Variants in SDK1 observed in about 807,000 individuals in gnomAD.
The protein encoded by SDK1 is sidekick cell adhesion molecule 1, also known as protein sidekick-1.
SDK1 carries 157 observed loss-of-function variants against 245.5 expected under a neutral mutation model. That is an observed-to-expected ratio of 0.64 (90% confidence interval 0.56 to 0.73). The LOEUF is 0.73. Among genes scored for constraint, SDK1 ranks in the 30% least tolerant of loss-of-function variants. The pLI is 0.00. For missense variants in SDK1, 3,583 were observed against 3,002.3 expected (o/e 1.19, Z -4.52); for synonymous variants, 1,647 against 1,278.5 (o/e 1.29, Z -6.15).
intron 4 of SDK1, among the ~76,000 whole-genome samples, chr7:3,810,135 G>A (rs1208538448): frequency 5.3e-5 from 8 of 152,128 alleles, no homozygotes; most frequent in Non-Finnish European, 7.3e-5. Flanking sequence ...AGAGTATCCT[G>A]GGGAGAGGAG....
At chr7:4,232,453 G>A (rs1464073022) in intron 40 of SDK1, among the ~76,000 whole-genome samples, 10 of 61,252 alleles carry the variant, frequency 1.6e-4, no homozygotes, top group African/African-American at 5.5e-4. Flanking sequence ...CATAAAAATT[G>A]CAAAGTTCTT....
intron 5 of SDK1, among the ~76,000 whole-genome samples, chr7:3,864,306 T>C (rs1000736874): frequency 6.6e-6 from 1 of 152,176 alleles, no homozygotes; most frequent in Non-Finnish European, 1.5e-5. Flanking sequence ...TCTTTGTTTT[T>C]ATAGTCAATC....
Position 3,717,181 on chromosome 7 carries a change from C to T in SDK1, c.713+75076C>T, listed in dbSNP as rs543960084. 6.6e-5 allele frequency among the ~76,000 whole-genome samples: 10 copies of T among 151,984 alleles called. No homozygotes were observed. In the South Asian group the frequency reaches 1.5e-3, roughly 22 times the overall value. ...ATAACAATTAGAGGAACTAATTGAC[C>T]GAAATAGACCATATCCTGGTTCATA... On this transcript the variant is annotated intron_variant, in intron 4 of 44. Transcript: ENST00000404826.
At chr7:3,879,050 A>G (rs1781142466) in intron 5 of SDK1, among the ~76,000 whole-genome samples, 3 of 152,170 alleles carry the variant, frequency 2.0e-5, no homozygotes, top group East Asian at 1.9e-4. Flanking sequence ...ACAGTCAGTA[A>G]TTTCTTGGGA....
intron 1 of SDK1, among the ~76,000 whole-genome samples, chr7:3,532,856 C>G (rs903897548): frequency 6.6e-6 from 1 of 151,928 alleles, no homozygotes; most frequent in African/African-American, 2.4e-5. Flanking sequence ...CTTTCAGGCT[C>G]TTTTCGTCTT....
intron 39 of SDK1, 27 bp from the exon 40 acceptor site, chr7:4,221,212 A>G (rs1785136326): frequency 6.2e-7 from 1 of 1,610,904 alleles, no homozygotes; most frequent in Non-Finnish European, 8.5e-7. Context: ...CTGATGCCTC[A>G]CCTCTCTTTT....
At chr7:4,077,546 A>C (rs1256959778) in intron 21 of SDK1, among the ~76,000 whole-genome samples, 1 of 152,204 alleles carries the variant, frequency 6.6e-6, no homozygotes, top group African/African-American at 2.4e-5. Flanking sequence ...GCTGCTGATA[A>C]AGACATACCC....
At chr7:3,545,869 T>A (rs1311909401) in intron 1 of SDK1, among the ~76,000 whole-genome samples, 9 of 152,336 alleles carry the variant, frequency 5.9e-5, no homozygotes, top group African/African-American at 2.2e-4. Flanking sequence ...AAAATATAAT[T>A]TCTGTTCTGT....
At chr7:4,175,253 C>T (rs998432320) in intron 33 of SDK1, among the ~76,000 whole-genome samples, 6 of 152,230 alleles carry the variant, frequency 3.9e-5, no homozygotes, top group Non-Finnish European at 8.8e-5. Flanking sequence ...TGGCACACCC[C>T]AAAGGTGGCC....
At chr7:3,517,159 C>G (rs1370544997) in intron 1 of SDK1, among the ~76,000 whole-genome samples, 1 of 152,012 alleles carries the variant, frequency 6.6e-6, no homozygotes, top group Non-Finnish European at 1.5e-5. Context: ...CCTAAGCTTT[C>G]TGAAAAAAGT....
At chr7:4,142,478 G>C (rs913932012) in intron 28 of SDK1, among the ~76,000 whole-genome samples, 2 of 152,024 alleles carry the variant, frequency 1.3e-5, no homozygotes, top group African/African-American at 4.8e-5. Context: ...ACAAGCGCCC[G>C]CCATCACGCC....
chr7:3,599,229 T>C (rs1305843117), intron 1 of SDK1, among the ~76,000 whole-genome samples: 1 of 152,076 alleles, frequency 6.6e-6, no homozygotes, highest in Non-Finnish European at 1.5e-5. Flanking sequence ...TTAATGATAT[T>C]GAACATCTTT....
chr7:4,176,497 A>G (rs951371773), intron 34 of SDK1, among the ~76,000 whole-genome samples: 1 of 152,180 alleles, frequency 6.6e-6, no homozygotes, highest in Non-Finnish European at 1.5e-5. Context: ...TAAAATACAT[A>G]TAACAGAAAA....
chr7:3,557,518 A>C (rs535831218), intron 1 of SDK1, among the ~76,000 whole-genome samples: 1 of 152,318 alleles, frequency 6.6e-6, no homozygotes, highest in Admixed American at 6.5e-5. Context: ...GGTGATGGAC[A>C]CAGGAACCCA....
chr7:3,561,497 G>A (rs1490278545), intron 1 of SDK1, among the ~76,000 whole-genome samples: 1 of 152,178 alleles, frequency 6.6e-6, no homozygotes, highest in Admixed American at 6.5e-5. Context: ...TTTCTCATGA[G>A]CACTGTTTTC....
At chr7:3,373,302 A>G (rs1439044333) in intron 1 of SDK1, among the ~76,000 whole-genome samples, 1 of 152,220 alleles carries the variant, frequency 6.6e-6, no homozygotes, top group Non-Finnish European at 1.5e-5. Flanking sequence ...ATTGAACACT[A>G]AGCGAAAGTG....
chr7:3,349,775 TG>T lies in SDK1; in HGVS notation c.298+47892del, dbSNP rs548070408. Reference sequence around the variant, plus strand: ...CCACCACGCCTGGTTAATTTTTTTTTGTATTTTTAGTAGAGACGGGGTTTCA... The same window carrying T: ...CCACCACGCCTGGTTAATTTTTTTTTTATTTTTAGTAGAGACGGGGTTTCA... On this transcript the variant is annotated intron_variant, in intron 1 of 44. Transcript: ENST00000404826. Among the ~76,000 whole-genome samples, 84 of 149,498 alleles carry T rather than the reference TG, an allele frequency of 5.6e-4. 3 individuals are homozygous for T. The South Asian group carries it at 0.018, about 31-fold the overall frequency.
Position 4,012,077 on chromosome 7 carries a change from C to T in SDK1, c.2280-18C>T, listed in dbSNP as rs1583824480. On this transcript the variant is annotated intron_variant, in intron 15 of 44. Transcript: ENST00000404826. ...CTGGTACTCATCTCTCTTGTTCCTACCCGTCTTTTATTTATAGGTTGATGC... is the reference window on the plus strand; with the variant it reads ...CTGGTACTCATCTCTCTTGTTCCTATCCGTCTTTTATTTATAGGTTGATGC... 1 of 1,490,254 alleles carries T rather than the reference C, an allele frequency of 6.7e-7. No individual in the cohort carries two copies. The allele number at this position is 1,490,254 out of a possible 1,614,324, so 92.3% of individuals were successfully genotyped here.
At chr7:4,185,658 C>G (rs925138195) in intron 35 of SDK1, among the ~76,000 whole-genome samples, 60 of 152,330 alleles carry the variant, frequency 3.9e-4, no homozygotes, top group African/African-American at 1.3e-3. Context: ...GTTTCTTCCT[C>G]TGCTCCAGAA....
Sources: allele counts gnomAD v4.1 joint callset (sites outside exome capture counted in the v4.1 genomes callset), GRCh38; gene constraint gnomAD v4.1.1; transcripts MANE v1.5; gene names NCBI Gene and HGNC (gene_info 2026-07-23, HGNC 2026-07-21).